Variants in RTKN2 observed in about 807,000 individuals in gnomAD.
RTKN2 encodes the protein rhotekin 2.
RTKN2 carries 69 observed loss-of-function variants against 71.5 expected under a neutral mutation model. The ratio of observed to expected loss-of-function variants is 0.96; its 90% CI spans 0.79 to 1.18. The LOEUF (loss-of-function observed/expected upper bound fraction) is 1.18. Ranked by LOEUF, RTKN2 falls within the 50% of genes most tolerant of loss-of-function variation. RTKN2 has a pLI of 0.00. For missense variants in RTKN2, 724 were observed against 719.7 expected, an observed-to-expected ratio of 1.01 and a Z score of -0.07; for synonymous variants, 236 against 236.5, an observed-to-expected ratio of 1.00 and a Z score of 0.02.
chr10:62,236,035 T>C, intron 6 of RTKN2, 31 bp downstream of exon 6: 1 of 1,384,278 alleles, frequency 7.2e-7, no homozygotes, highest in Non-Finnish European at 1.0e-6. Flanking sequence ...TGTATAATTA[T>C]GTCACCATAA....
chr10:62,243,690 C>T (rs1350889052), intron 3 of RTKN2, among the ~76,000 whole-genome samples: 2 of 152,162 alleles, frequency 1.3e-5, no homozygotes, highest in African/African-American at 4.8e-5. Flanking sequence ...TTTCTGAATT[C>T]AGCTTCCAAT....
chr10:62,229,941 T>G (rs1450112067), intron 6 of RTKN2, among the ~76,000 whole-genome samples: 1 of 152,166 alleles, frequency 6.6e-6, no homozygotes, highest in African/African-American at 2.4e-5. Context: ...TATAGCCCAC[T>G]AACAGATAAT....
At position 62,218,295 on chromosome 10, in the gene RTKN2, G is replaced by A; in HGVS notation, c.788C>T (p.Ser263Phe). Residue 263 changes from serine (S) to phenylalanine (F), a missense_variant, in exon 8 of 12, where the codon TCT becomes TTT. Coordinates refer to ENST00000373789, the MANE Select transcript of RTKN2 (RefSeq NM_145307.4). Reference sequence around the variant, plus strand: ...GCCATACAGGGGAAGCCAAAATGAAGACTCCTCTATTTAAAGGAGAAAGAA... The same window carrying A: ...GCCATACAGGGGAAGCCAAAATGAAAACTCCTCTATTTAAAGGAGAAAGAA... ...HNLSINGNEE[S>F]SFWLPLYGNM... 5 of 1,596,118 alleles carry A rather than the reference G, an allele frequency of 3.1e-6. No individual in the cohort carries two copies. Among genetic ancestry groups the A allele is most frequent in the Non-Finnish European group, 4.3e-6 (5 of 1,169,798 alleles).
At chr10:62,204,676 A>G (rs1452534163) in intron 10 of RTKN2, among the ~76,000 whole-genome samples, 181 bp downstream of exon 10, 4 of 152,204 alleles carry the variant, frequency 2.6e-5, no homozygotes, top group African/African-American at 9.6e-5. Context: ...ACTATACAAT[A>G]GTCAGGCACT....
chr10:62,225,784 CTTT>C (rs71470801), intron 6 of RTKN2, among the ~76,000 whole-genome samples: 5 of 140,220 alleles, frequency 3.6e-5, no homozygotes. Flanking sequence ...ATTTTCTTTT[CTTT>C]TTTTTTTTTT....
chr10:62,199,501 A>C (rs1841395987), intron 11 of RTKN2, among the ~76,000 whole-genome samples: 1 of 152,184 alleles, frequency 6.6e-6, no homozygotes, highest in Non-Finnish European at 1.5e-5. Context: ...TTTTCAGTGC[A>C]CCTTTACTCA....
intron 10 of RTKN2, among the ~76,000 whole-genome samples, chr10:62,200,750 C>T (rs1159556494): frequency 6.6e-6 from 1 of 151,896 alleles, no homozygotes; most frequent in Non-Finnish European, 1.5e-5. Context: ...TAGAAAAACA[C>T]TGTATTTTCT....
intron 7 of RTKN2, among the ~76,000 whole-genome samples, chr10:62,219,097 A>T (rs1031894882): frequency 6.6e-6 from 1 of 152,202 alleles, no homozygotes; most frequent in South Asian, 2.1e-4. Context: ...ATTCAGTCAT[A>T]AGCCATTAGA....
At chr10:62,204,828 C>T (rs769574022) in intron 10 of RTKN2, 29 bp downstream of exon 10, 3 of 1,503,826 alleles carry the variant, frequency 2.0e-6, no homozygotes, top group African/African-American at 2.9e-5. Context: ...CATAAATACA[C>T]AACTAAAAAA....
intron 5 of RTKN2, chr10:62,238,879 ATAGT>A (rs1256901228): frequency 1.3e-5 from 2 of 152,038 alleles, no homozygotes; most frequent in African/African-American, 4.8e-5. Flanking sequence ...TTTTATATTA[ATAGT>A]TAGTAGCTAT....
In RTKN2 at chr10:62,262,708, G is replaced by A; in HGVS notation, c.174C>T (p.Leu58=). ...CCATTAGTCGAGCATTGCACACCAT[G>A]AGATTCTTAACTGCATGTAAAACTT... ...KDQVLHAVKN[L]MVCNARLMAY... Residue 58 remains leucine, a synonymous_variant, in exon 2 of 12, where the codon CTC becomes CTT. Transcript: ENST00000373789. 4 of 1,613,400 alleles carry A rather than the reference G, an allele frequency of 2.5e-6. No homozygotes were observed. Among genetic ancestry groups the A allele is most frequent in the Non-Finnish European group, 3.4e-6 (4 of 1,179,432 alleles).
intron 5 of RTKN2, chr10:62,238,631 T>C (rs1842307671): frequency 6.6e-6 from 1 of 152,032 alleles, no homozygotes; most frequent in African/African-American, 2.4e-5. Flanking sequence ...TTTTGGATCC[T>C]AAATAAATTC....
chr10:62,192,552 C>T (rs537186632), downstream of RTKN2, among the ~76,000 whole-genome samples: 2 of 152,282 alleles, frequency 1.3e-5, no homozygotes, highest in East Asian at 3.9e-4. Flanking sequence ...GGGAAATTAT[C>T]GTGGTGGGCA....
Position 62,195,095 on chromosome 10 carries a change from A to C in RTKN2, c.*2813T>G. 1 of 982,316 alleles carries C rather than the reference A, an allele frequency of 1.0e-6. No individual in the cohort carries two copies. The highest frequency in any genetic ancestry group is 1.2e-6 in the Non-Finnish European group (1 of 827,082). 60.8% of individuals were successfully genotyped at this position (982,316 alleles called of 1,614,324 possible). On this transcript the variant is annotated 3_prime_UTR_variant, in exon 12 of 12. Coordinates refer to ENST00000373789, the MANE Select transcript of RTKN2 (RefSeq NM_145307.4). ...TTACCACTTAGTAGCAATTAAAAAT[A>C]ATACTATCTTAATGCTGACTACGTA...
chr10:62,218,421 T>C, intron 7 of RTKN2, 120 bp from the exon 8 acceptor site: 2 of 615,624 alleles, frequency 3.2e-6, no homozygotes, highest in Non-Finnish European at 2.8e-6. Flanking sequence ...GAACATATTT[T>C]AGAATTAGTT....
chr10:62,215,504 G>C (rs1277380340), intron 9 of RTKN2, among the ~76,000 whole-genome samples: 2 of 152,004 alleles, frequency 1.3e-5, no homozygotes, highest in African/African-American at 4.8e-5. Flanking sequence ...GGGACAATTA[G>C]AGCAATTTCT....
chr10:62,227,305 G>A (rs1489857729), intron 6 of RTKN2, among the ~76,000 whole-genome samples: 2 of 152,140 alleles, frequency 1.3e-5, no homozygotes, highest in Non-Finnish European at 2.9e-5. Context: ...TTAAGGTCAG[G>A]GGAGAGTGCT....
chr10:62,188,949 C>CT (rs1841177744), downstream of RTKN2, among the ~76,000 whole-genome samples: 1 of 151,654 alleles, frequency 6.6e-6, no homozygotes, highest in African/African-American at 2.4e-5. Flanking sequence ...GGGGATTCAC[C>CT]ATGCTAGCCA....
At position 62,223,251 on chromosome 10, in the gene RTKN2, A is replaced by T. The variant is rs770856553; in HGVS notation, c.768T>A (p.Ser256=). ...TACTGTACTTACCATTTCCATTAAT[A>T]GACAGATTATGGGTCTTGAAACTAT... The part of the protein sequence containing the change: ...AEDSFKTHNL[S]INGNEESSFW... Residue 256 remains serine, a synonymous_variant, in exon 7 of 12, where the codon TCT becomes TCA. Transcript: ENST00000373789. 6.3e-7 allele frequency: 1 copy of T among 1,594,494 alleles called. No individual in the cohort carries two copies. The highest frequency in any genetic ancestry group is 8.6e-7 in the Non-Finnish European group (1 of 1,162,476).
Sources: allele counts gnomAD v4.1 joint callset (sites outside exome capture counted in the v4.1 genomes callset), GRCh38; gene constraint gnomAD v4.1.1; transcripts MANE v1.5; gene names NCBI Gene and HGNC (gene_info 2026-07-23, HGNC 2026-07-21).